The following CHMP3 variants were observed in gnomAD, a reference collection of about 807,000 sequenced individuals.
CHMP3 encodes the protein 25.1 protein.
In CHMP3, 8 loss-of-function variants were observed where a neutral mutation model predicts 27.4. That is an observed-to-expected ratio of 0.29 (90% CI 0.17 to 0.53). The LOEUF (loss-of-function observed/expected upper bound fraction) is 0.53, where lower values mean the gene tolerates loss of function less well. CHMP3 is among the 20% of genes least tolerant of loss of function. The pLI is 0.96. For missense variants in CHMP3, 208 were observed against 271.5 expected (o/e 0.77, Z 1.64); for synonymous variants, 86 against 85.5 (o/e 1.01, Z -0.03).
At position 86,556,793 on chromosome 2, in the gene CHMP3, G is replaced by A. The variant is rs374733124; in HGVS notation, c.45+6511C>T. ...CCGCGGTTGCTACAACACCCTCCTC[G>A]GGGTCTGTGAGCAGCCTGGTCCCCT... is the stretch of plus-strand genomic sequence containing the variant. On this transcript the variant is annotated intron_variant, in intron 1 of 5. Coordinates refer to ENST00000263856, the MANE Select transcript of CHMP3 (RefSeq NM_016079.4). 2.0e-5 allele frequency among the ~76,000 whole-genome samples: 3 copies of A among 152,114 alleles called. No individual in the cohort carries two copies. The South Asian group carries it at 6.2e-4, about 32-fold the overall frequency.
At chr2:86,521,722 C>A (rs369651190) in intron 3 of CHMP3, among the ~76,000 whole-genome samples, 34 of 152,190 alleles carry the variant, frequency 2.2e-4, no homozygotes, top group South Asian at 1.0e-3. Context: ...TAGCATAATG[C>A]CTTCAAGATT....
chr2:86,562,995 A>C, intron 1 of CHMP3: 1 of 296,940 alleles, frequency 3.4e-6, no homozygotes, highest in South Asian at 1.0e-4. Context: ...GGGTCGTACC[A>C]ACGCGCGCAG....
intron 4 of CHMP3, among the ~76,000 whole-genome samples, chr2:86,509,448 T>G (rs956038203): frequency 1.3e-5 from 2 of 152,150 alleles, no homozygotes; most frequent in African/African-American, 4.8e-5. Context: ...TTCCAGCCCC[T>G]CTCTCCCATG....
At chr2:86,535,557 G>A (rs1345730450) in intron 2 of CHMP3, among the ~76,000 whole-genome samples, 1 of 152,160 alleles carries the variant, frequency 6.6e-6, no homozygotes, top group Non-Finnish European at 1.5e-5. Context: ...AGGCTAGAGT[G>A]CAGTGGCATC....
chr2:86,524,620 T>C (rs569543164), intron 3 of CHMP3, among the ~76,000 whole-genome samples: 1 of 152,196 alleles, frequency 6.6e-6, no homozygotes, highest in Non-Finnish European at 1.5e-5. Flanking sequence ...TCATTTTATA[T>C]AAGGGACTTG....
At chr2:86,543,113 C>A (rs530188611) in intron 1 of CHMP3, among the ~76,000 whole-genome samples, 1 of 152,286 alleles carries the variant, frequency 6.6e-6, no homozygotes, top group South Asian at 2.1e-4. Context: ...TTTCTCAGCA[C>A]TTGAGTCTGA....
At chr2:86,551,286 T>C (rs1273787089) in intron 1 of CHMP3, among the ~76,000 whole-genome samples, 1 of 151,950 alleles carries the variant, frequency 6.6e-6, no homozygotes, top group East Asian at 1.9e-4. Flanking sequence ...CCAATTTTTT[T>C]TTTTTTTTTG....
intron 3 of CHMP3, among the ~76,000 whole-genome samples, chr2:86,517,394 G>A (rs1189746426): frequency 1.3e-5 from 2 of 151,660 alleles, no homozygotes; most frequent in East Asian, 3.9e-4. Flanking sequence ...GTGAAACCTG[G>A]TCTCTACTAA....
chr2:86,559,224 C>A (rs1252738684), intron 1 of CHMP3, among the ~76,000 whole-genome samples: 1 of 152,166 alleles, frequency 6.6e-6, no homozygotes, highest in Non-Finnish European at 1.5e-5. Flanking sequence ...TCTGGGATAC[C>A]CGTCTCCTGC....
At position 86,559,963 on chromosome 2, in the gene CHMP3, G is replaced by A. The variant is rs184907252; in HGVS notation, c.45+3341C>T. ...GCTATAAAGAAATACCTGAGACTGC[G>A]TAATTCATAAAAAGAAAAGAGGGCC... is the stretch of plus-strand genomic sequence containing the variant. On this transcript the variant is annotated intron_variant, in intron 1 of 5. Transcript: ENST00000263856. Among the ~76,000 whole-genome samples the A allele has an allele frequency of 2.4e-3, 359 of 152,232 alleles. 1 individual carries two copies. Among genetic ancestry groups the A allele is most frequent in the African/African-American group, 7.9e-3 (328 of 41,538 alleles).
At chr2:86,537,915 T>G (rs1676213362) in intron 2 of CHMP3, among the ~76,000 whole-genome samples, 1 of 152,226 alleles carries the variant, frequency 6.6e-6, no homozygotes, top group African/African-American at 2.4e-5. Context: ...TACTTTTGTT[T>G]ATGTACGCAA....
Position 86,503,612 on chromosome 2 carries a change from G to A in CHMP3, c.*2192C>T, listed in dbSNP as rs185910034. ...CATCTAGACAATGGAGTATTATTCA[G>A]TGCTAAAAATAAATGCACTATTAAG... On this transcript the variant is annotated 3_prime_UTR_variant, in exon 6 of 6. Coordinates refer to ENST00000263856, the MANE Select transcript of CHMP3 (RefSeq NM_016079.4). 2 of 152,200 alleles carry A rather than the reference G, an allele frequency of 1.3e-5. No homozygotes were observed. Among genetic ancestry groups the A allele is most frequent in the Admixed American group, 1.3e-4 (2 of 15,288 alleles). The allele number at this position is 152,200 out of a possible 1,614,324, so 9.4% of individuals were successfully genotyped here.
intron 3 of CHMP3, among the ~76,000 whole-genome samples, chr2:86,519,587 G>T (rs1474635070): frequency 2.0e-5 from 3 of 152,104 alleles, no homozygotes. Context: ...ACATTCATAT[G>T]AGTATATGAG....
At chr2:86,514,174 A>G (rs1675207636) in intron 3 of CHMP3, among the ~76,000 whole-genome samples, 1 of 152,238 alleles carries the variant, frequency 6.6e-6, no homozygotes, top group South Asian at 2.1e-4. Context: ...GGAAAGGCCC[A>G]TGTCCCATGT....
chr2:86,542,427 A>G, intron 1 of CHMP3, 115 bp from the exon 2 acceptor site: 1 of 1,046,094 alleles, frequency 9.6e-7, no homozygotes, highest in Non-Finnish European at 1.4e-6. Context: ...TTAAAAAGCC[A>G]TTTTCAAAGA....
At chr2:86,507,842 G>A (rs1674944829) in intron 4 of CHMP3, among the ~76,000 whole-genome samples, 1 of 152,204 alleles carries the variant, frequency 6.6e-6, no homozygotes, top group South Asian at 2.1e-4. Flanking sequence ...TGTCAGCAGA[G>A]CTTCCTAAAG....
At chr2:86,536,576 G>A (rs980947619) in intron 2 of CHMP3, among the ~76,000 whole-genome samples, 11 of 152,020 alleles carry the variant, frequency 7.2e-5, no homozygotes, top group South Asian at 2.1e-4. Flanking sequence ...AAAATCTTAC[G>A]AGGATCCTTT....
At chr2:86,529,595 A>G (rs1675835750) in intron 2 of CHMP3, among the ~76,000 whole-genome samples, 198 bp from the exon 3 acceptor site, 1 of 152,226 alleles carries the variant, frequency 6.6e-6, no homozygotes, top group Non-Finnish European at 1.5e-5. Context: ...CGATCCTATT[A>G]TACTTGAATT....
intron 1 of CHMP3, among the ~76,000 whole-genome samples, chr2:86,559,500 C>T (rs533668552): frequency 6.6e-6 from 1 of 152,342 alleles, no homozygotes; most frequent in Admixed American, 6.5e-5. Context: ...CTGACTAATA[C>T]ACCATCCCTG....
Sources: allele counts gnomAD v4.1 joint callset (sites outside exome capture counted in the v4.1 genomes callset), GRCh38; gene constraint gnomAD v4.1.1; transcripts MANE v1.5; gene names NCBI Gene and HGNC (gene_info 2026-07-23, HGNC 2026-07-21).